ZNF469: variants seen among roughly 807,000 people sequenced by gnomAD.
ZNF469 encodes the protein zinc finger protein 469.
ZNF469 carries 1 observed loss-of-function variant against 1.0 expected under a neutral mutation model. The ratio of observed to expected loss-of-function variants is 1.00; its 90% CI spans 0.35 to 4.73. The LOEUF (loss-of-function observed/expected upper bound fraction) is 4.73. Ranked by LOEUF, ZNF469 falls within the 30% of genes most tolerant of loss-of-function variation. ZNF469 has a pLI of 0.16. For missense variants in ZNF469, 6,100 were observed against 5,356.3 expected, an observed-to-expected ratio of 1.14 and a Z score of -4.33; for synonymous variants, 2,703 against 2,363.4, an observed-to-expected ratio of 1.14 and a Z score of -4.17.
the ZNF469 span, among the ~76,000 whole-genome samples, chr16:88,161,239 C>T: frequency 6.6e-6 from 1 of 152,050 alleles, no homozygotes; most frequent in South Asian, 2.1e-4. Flanking sequence ...TTACAAATAC[C>T]AATTCTGGTG....
the ZNF469 span, among the ~76,000 whole-genome samples, chr16:88,327,584 G>A: frequency 1.3e-4 from 20 of 152,206 alleles, no homozygotes; most frequent in East Asian, 1.2e-3. Context: ...GGTGGGCTGC[G>A]TCACCGGCAG....
chr16:88,158,450 G>T, the ZNF469 span, among the ~76,000 whole-genome samples: 2 of 152,122 alleles, frequency 1.3e-5, no homozygotes, highest in African/African-American at 4.8e-5. Context: ...GGGAGGGTGG[G>T]AGAGCTCAGG....
chr16:88,344,017 C>A, the ZNF469 span, among the ~76,000 whole-genome samples: 5 of 152,180 alleles, frequency 3.3e-5, no homozygotes, highest in South Asian at 1.0e-3. Context: ...CAGATGGGCA[C>A]TTCACCCCTG....
chr16:88,398,415 G>A (rs1032941094), intron 1 of ZNF469, among the ~76,000 whole-genome samples: 1 of 151,846 alleles, frequency 6.6e-6, no homozygotes, highest in African/African-American at 2.4e-5. Flanking sequence ...ACAGATGAAG[G>A]GACATGTGGG....
At chr16:88,376,422 C>T in the ZNF469 span, among the ~76,000 whole-genome samples, 4 of 152,342 alleles carry the variant, frequency 2.6e-5, no homozygotes, top group African/African-American at 7.2e-5. Context: ...CACTGAAGGC[C>T]GCTGTCCCTC....
At chr16:88,417,338 G>A (rs182569791) in intron 1 of ZNF469, among the ~76,000 whole-genome samples, 44 of 152,312 alleles carry the variant, frequency 2.9e-4, no homozygotes, top group African/African-American at 8.4e-4. Flanking sequence ...TCCAAGGCAG[G>A]GCTGCTCGAC....
Position 88,425,389 on chromosome 16 carries a change from A to G in ZNF469, c.-127+518A>G, listed in dbSNP as rs74032863. Reference sequence around the variant, plus strand: ...CTGGCTGTTGCTGTTCCTACCCCCAACCCTGCAGCCTGGCCCCAGTGGGTG... The same window carrying G: ...CTGGCTGTTGCTGTTCCTACCCCCAGCCCTGCAGCCTGGCCCCAGTGGGTG... On this transcript the variant is annotated intron_variant, in intron 2 of 2. Coordinates refer to ENST00000565624, the MANE Select transcript of ZNF469 (RefSeq NM_001367624.2). Among the ~76,000 whole-genome samples the G allele has an allele frequency of 1.3e-4, 19 of 151,848 alleles. 1 individual carries two copies. In the South Asian group the frequency reaches 3.7e-3, roughly 30 times the overall value.
chr16:88,148,764 G>T, the ZNF469 span, among the ~76,000 whole-genome samples: 1 of 152,176 alleles, frequency 6.6e-6, no homozygotes, highest in African/African-American at 2.4e-5. Context: ...GGGCTGGGCT[G>T]TTGGGAGGCG....
intron 1 of ZNF469, among the ~76,000 whole-genome samples, chr16:88,397,239 G>T (rs116478276): frequency 2.6e-5 from 4 of 152,254 alleles, no homozygotes; most frequent in Non-Finnish European, 5.9e-5. Flanking sequence ...GGCGGACCCG[G>T]TGCCCACCCT....
At chr16:88,140,734 C>G in the ZNF469 span, among the ~76,000 whole-genome samples, 3 of 152,144 alleles carry the variant, frequency 2.0e-5, no homozygotes, top group Non-Finnish European at 4.4e-5. Context: ...GAGTTCGAGA[C>G]CAGCCTGGCC....
chr16:88,167,724 T>C, the ZNF469 span, among the ~76,000 whole-genome samples: 2 of 152,084 alleles, frequency 1.3e-5, no homozygotes, highest in South Asian at 4.2e-4. Context: ...GGGGCGCCCA[T>C]CCCGGGCAGA....
Position 88,430,437 on chromosome 16 carries a change from GC to G in ZNF469, c.2972del (p.Pro991HisfsTer62). The G allele has an allele frequency of 1.3e-6, 2 of 1,506,428 alleles. No homozygotes were observed. The highest frequency in any genetic ancestry group is 1.2e-5 in the South Asian group (1 of 81,022). 93.3% of individuals were successfully genotyped at this position (1,506,428 alleles called of 1,614,324 possible). A position where few individuals can be genotyped will look rare whatever the true frequency, so the allele number is the denominator to read the frequency against. On this transcript the variant is annotated frameshift_variant, in exon 3 of 3. Transcript: ENST00000565624. LOFTEE classifies it low-confidence loss of function (END_TRUNC). Reference sequence around the variant, plus strand: ...GGAGGAACGACGGTCTCGGGGAGCGGCCCCCACCCCGTCCCCGGCGCCCTAG... The same window carrying G: ...GGAGGAACGACGGTCTCGGGGAGCGGCCCCACCCCGTCCCCGGCGCCCTAG... ...PRRNDGLGERPPPRPRRPRTQ... is the reference protein window; with the variant it reads ...PRRNDGLGERXPPRPRRPRTQ...
At chr16:88,240,041 A>G in the ZNF469 span, among the ~76,000 whole-genome samples, 2 of 150,602 alleles carry the variant, frequency 1.3e-5, no homozygotes, top group Non-Finnish European at 3.0e-5. Flanking sequence ...GCTCGGGGCC[A>G]TCGATCCTCC....
intron 1 of ZNF469, among the ~76,000 whole-genome samples, chr16:88,415,426 G>A: frequency 6.6e-6 from 1 of 152,348 alleles, no homozygotes; most frequent in East Asian, 1.9e-4. Flanking sequence ...AGGGAAGAAG[G>A]CTCTGTGTCC....
At chr16:88,305,113 G>A in the ZNF469 span, among the ~76,000 whole-genome samples, 2 of 152,148 alleles carry the variant, frequency 1.3e-5, no homozygotes, top group African/African-American at 4.8e-5. Flanking sequence ...GTGATGCCCT[G>A]GTGCAGAAAC....
chr16:88,143,082 TTCACCGACACCCGGTGAGCAC>T, the ZNF469 span, among the ~76,000 whole-genome samples: 1 of 152,120 alleles, frequency 6.6e-6, no homozygotes, highest in Non-Finnish European at 1.5e-5. Context: ...CCCCAGGCAC[TTCACCGACACCCGGTGAGCAC>T]TCACCGAATC....
rs114064339 is a variant in ZNF469, at chr16:88,411,327, C to A, written c.-191-13480C>A. Among the ~76,000 whole-genome samples the A allele has an allele frequency of 2.1e-3, 316 of 152,290 alleles. 2 individuals carry two copies. The highest frequency in any genetic ancestry group is 7.2e-3 in the African/African-American group (301 of 41,564). On this transcript the variant is annotated intron_variant, in intron 1 of 2. Coordinates refer to ENST00000565624, the MANE Select transcript of ZNF469 (RefSeq NM_001367624.2). ...CAGCGAGCCAGCATCTGGGCCGAGG[C>A]CTCCAGAGCCCAACGCAGCCCCGGC...
the ZNF469 span, among the ~76,000 whole-genome samples, chr16:88,330,022 C>T: frequency 2.3e-4 from 35 of 152,368 alleles, no homozygotes; most frequent in South Asian, 6.8e-3. Flanking sequence ...CAAAAGGCCA[C>T]ATCCAGCCTG....
the ZNF469 span, among the ~76,000 whole-genome samples, chr16:88,256,199 C>T: frequency 6.6e-6 from 1 of 152,318 alleles, no homozygotes; most frequent in Middle Eastern, 3.4e-3. Context: ...CCTCTCTGTC[C>T]TGCCTGTTCA....
Sources: allele counts gnomAD v4.1 joint callset (sites outside exome capture counted in the v4.1 genomes callset), GRCh38; gene constraint gnomAD v4.1.1; transcripts MANE v1.5; gene names NCBI Gene and HGNC (gene_info 2026-07-23, HGNC 2026-07-21).